Variants in PRDM2 observed in about 807,000 individuals in gnomAD.
The protein encoded by PRDM2 is PR domain zinc finger protein 2.
Under a neutral mutation model 130.0 loss-of-function variants are expected in PRDM2, and 30 were observed. The observed-to-expected ratio is 0.23, with a 90% CI of 0.17 to 0.31. PRDM2 has a LOEUF of 0.31. PRDM2 is among the 10% of genes least tolerant of loss of function. The probability of loss-of-function intolerance (pLI) is 1.00; values close to 1 mark genes in which losing one functional copy is unlikely to be tolerated. For synonymous variants in PRDM2, 871 were observed against 782.4 expected, an observed-to-expected ratio of 1.11 and a Z score of -1.89; for missense variants, 2,011 against 2,108.4, an observed-to-expected ratio of 0.95 and a Z score of 0.90.
chr1:13,809,337 C>T (rs1184619359), intron 8 of PRDM2, among the ~76,000 whole-genome samples: 31 of 152,162 alleles, frequency 2.0e-4, no homozygotes, highest in Non-Finnish European at 4.4e-5. Flanking sequence ...CCTTGCAGGA[C>T]TCCAGGCGAG....
At chr1:13,702,812 G>GA (rs1389657448) in intron 1 of PRDM2, among the ~76,000 whole-genome samples, 5 of 151,846 alleles carry the variant, frequency 3.3e-5, no homozygotes, top group South Asian at 2.1e-4. Flanking sequence ...TACTCATGCA[G>GA]AAAAAAAACC....
intron 2 of PRDM2, among the ~76,000 whole-genome samples, chr1:13,718,938 A>G (rs1453357956): frequency 6.6e-6 from 1 of 152,126 alleles, no homozygotes; most frequent in East Asian, 1.9e-4. Flanking sequence ...CCTAAAATTC[A>G]TTCATTCCTT....
At chr1:13,769,189 T>C in intron 6 of PRDM2, 1 of 981,626 alleles carries the variant, frequency 1.0e-6, no homozygotes, top group Non-Finnish European at 1.2e-6. Context: ...TGCACTTGTG[T>C]GCTTGCCAGG....
Position 13,780,657 on chromosome 1 carries a change from C to G in PRDM2, c.2862C>G (p.Pro954=), listed in dbSNP as rs538828863. 5.0e-6 allele frequency: 8 copies of G among 1,612,714 alleles called. No individual in the cohort carries two copies. The highest frequency in any genetic ancestry group is 5.9e-6 in the Non-Finnish European group (7 of 1,179,164). ...VCPSSPALQT[P]SLSSGQLPPL... ...CTTCATCACCTGCCCTGCAGACACC[C>G]TCCCTTTCATCCGGTCAGCTGCCTC... is the stretch of plus-strand genomic sequence containing the variant. Residue 954 remains proline (P), a synonymous_variant, in exon 8 of 10, where the codon CCC becomes CCG. Transcript: ENST00000311066.
intron 1 of PRDM2, among the ~76,000 whole-genome samples, chr1:13,711,545 A>C (rs1248903056): frequency 6.6e-6 from 1 of 152,248 alleles, no homozygotes; most frequent in Non-Finnish European, 1.5e-5. Context: ...GGAAAGGGAC[A>C]GTCTTGCTCA....
chr1:13,783,734 C>A (rs1644675613), intron 8 of PRDM2, among the ~76,000 whole-genome samples: 1 of 152,130 alleles, frequency 6.6e-6, no homozygotes, highest in Non-Finnish European at 1.5e-5. Flanking sequence ...ATTGGAATTC[C>A]TGCTGTTTCT....
chr1:13,808,622 G>A (rs945128774), intron 8 of PRDM2, among the ~76,000 whole-genome samples: 12 of 152,156 alleles, frequency 7.9e-5, no homozygotes, highest in Non-Finnish European at 1.6e-4. Context: ...GCACTGAACA[G>A]ATTTCTTGGT....
intron 8 of PRDM2, among the ~76,000 whole-genome samples, chr1:13,796,955 T>C (rs1161443323): frequency 6.6e-6 from 1 of 152,230 alleles, no homozygotes; most frequent in Non-Finnish European, 1.5e-5. Context: ...TGGGTAAAAG[T>C]GCAATCAATT....
At chr1:13,793,882 G>A (rs1188453259) in intron 8 of PRDM2, among the ~76,000 whole-genome samples, 1 of 152,174 alleles carries the variant, frequency 6.6e-6, no homozygotes, top group East Asian at 1.9e-4. Flanking sequence ...ATTTGTGTTG[G>A]GCTGCATGCA....
Position 13,771,364 on chromosome 1 carries a change from G to A in PRDM2, c.512-1714G>A, listed in dbSNP as rs1396201240. On this transcript the variant is annotated intron_variant, in intron 6 of 9. Transcript: ENST00000311066. This position sits in a 1 kb window ranked among gnomAD's most constrained non-coding sequence, Gnocchi z 4.1. ...CCTTTGGAAATGAATGGATAGACAG[G>A]CTATCAGGAATTTATTTGCTCAAAC... Among the ~76,000 whole-genome samples the A allele has an allele frequency of 1.3e-5, 2 of 152,172 alleles. No individual in the cohort carries two copies. The highest frequency in any genetic ancestry group is 3.9e-4 in the East Asian group (2 of 5,190).
intron 8 of PRDM2, among the ~76,000 whole-genome samples, chr1:13,783,852 A>G (rs546115082): frequency 1.4e-4 from 22 of 152,208 alleles, no homozygotes; most frequent in Non-Finnish European, 2.5e-4. Flanking sequence ...CTTTCATGCT[A>G]TAGCTTTTGG....
At chr1:13,753,240 G>A (rs1219170736) in intron 6 of PRDM2, among the ~76,000 whole-genome samples, 1 of 152,222 alleles carries the variant, frequency 6.6e-6, no homozygotes, top group East Asian at 1.9e-4. Context: ...CTGAAAGCTG[G>A]ATAGTGAAGA....
At chr1:13,746,134 G>C (rs1047316840) in intron 5 of PRDM2, among the ~76,000 whole-genome samples, 1 of 152,026 alleles carries the variant, frequency 6.6e-6, no homozygotes, top group Admixed American at 6.5e-5. Context: ...CAGATTCTTG[G>C]TTTTATACCT....
At chr1:13,755,558 A>G (rs566379895) in intron 6 of PRDM2, among the ~76,000 whole-genome samples, 7 of 152,320 alleles carry the variant, frequency 4.6e-5, no homozygotes, top group African/African-American at 1.7e-4. Flanking sequence ...TTACAAATCC[A>G]CTTATAATTT....
chr1:13,782,161 A>G lies in PRDM2; in HGVS notation c.4366A>G (p.Ile1456Val). ...AAATGCTTGTGAGTCATCCTCTCAC[A>G]TCTGCCCTTACTGTAATCGAGAGTT... Reference protein sequence around the residue: ...LKNACESSSHICPYCNREFTY... With the variant: ...LKNACESSSHVCPYCNREFTY... The change falls in exon 8 of 10, where the codon ATC (isoleucine) becomes GTC (valine). Residue 1456 changes from isoleucine to valine, a missense_variant. Ile to Val is a conservative substitution (Grantham distance 29, BLOSUM62 3). Transcript: ENST00000311066. 3.1e-6 allele frequency: 5 copies of G among 1,613,974 alleles called. No individual in the cohort carries two copies. The highest frequency in any genetic ancestry group is 1.6e-4 in the Middle Eastern group (1 of 6,062).
chr1:13,757,847 T>C (rs1643996739), intron 6 of PRDM2, among the ~76,000 whole-genome samples: 1 of 151,216 alleles, frequency 6.6e-6, no homozygotes, highest in South Asian at 2.1e-4. Context: ...AAGCAGTACC[T>C]TCCTAAGAGG....
intron 6 of PRDM2, among the ~76,000 whole-genome samples, chr1:13,756,023 G>A (rs1419779957): frequency 2.6e-5 from 4 of 151,536 alleles, no homozygotes; most frequent in Non-Finnish European, 5.9e-5. Flanking sequence ...AGGCTGAGGC[G>A]GGTGGATCAC....
intron 8 of PRDM2, chr1:13,787,844 A>C: frequency 1.0e-6 from 1 of 982,760 alleles, no homozygotes; most frequent in East Asian, 1.1e-4. Flanking sequence ...TTTGACATAC[A>C]AAAAGGGGTT....
intron 8 of PRDM2, chr1:13,787,294 C>T (rs1304898739): frequency 8.1e-6 from 8 of 983,646 alleles, no homozygotes; most frequent in Admixed American, 6.2e-5. Flanking sequence ...TATGTCTACA[C>T]GTAAGTATAA....
Sources: gnomAD v4.1 joint callset for allele counts (sites outside exome capture counted in the v4.1 genomes callset) on GRCh38, gnomAD v4.1.1 for gene constraint, Gnocchi (gnomAD v3.1) non-coding constraint, MANE v1.5 for transcripts, NCBI Gene and HGNC (gene_info 2026-07-23, HGNC 2026-07-21) for gene names.